The following GSE1 variants were observed in gnomAD, a reference collection of about 807,000 sequenced individuals.
GSE1 encodes genetic suppressor element 1.
Under a neutral mutation model 112.6 loss-of-function variants are expected in GSE1, and 32 were observed. The ratio of observed to expected loss-of-function variants is 0.28; its 90% CI spans 0.21 to 0.38. The LOEUF (loss-of-function observed/expected upper bound fraction) is 0.38, where lower values mean the gene tolerates loss of function less well. Ranked by LOEUF, GSE1 falls within the 10% of genes least tolerant of loss-of-function variation. The pLI, the probability that GSE1 is intolerant of heterozygous loss-of-function variation, is 1.00. For missense variants in GSE1, 2,348 were observed against 1,699.2 expected (o/e 1.38, Z -6.71); for synonymous variants, 1,115 against 735.6 (o/e 1.52, Z -8.35).
At chr16:85,625,436 A>C (rs2049006667) in intron 1 of GSE1, among the ~76,000 whole-genome samples, 1 of 152,044 alleles carries the variant, frequency 6.6e-6, no homozygotes. Context: ...TTCTGTGCAG[A>C]GCCCCCCTGC....
In GSE1 at chr16:85,654,986, C is replaced by T; in HGVS notation, c.792C>T (p.Ala264=). The T allele has an allele frequency of 1.3e-6, 2 of 1,581,934 alleles. No individual in the cohort carries two copies. The highest frequency in any genetic ancestry group is 1.1e-5 in the South Asian group (1 of 88,732). ...CCCCACACCCCTTCCCCCACCCGGC[C>T]TTCAGGTGAGGCATCCCCCACGCGC... ...YLAPHPFPHP[A]FRMDDSYCLS... Residue 264 remains alanine, a synonymous_variant, in exon 5 of 16, where the codon GCC becomes GCT. Coordinates refer to ENST00000253458, the MANE Select transcript of GSE1 (RefSeq NM_014615.5).
chr16:85,241,863 C>T (rs541289209), intron 1 of GSE1, among the ~76,000 whole-genome samples: 198 of 152,176 alleles, frequency 1.3e-3, no homozygotes, highest in African/African-American at 4.6e-3. Flanking sequence ...ACACAATAGA[C>T]CCCCTCCCCG....
intron 1 of GSE1, among the ~76,000 whole-genome samples, chr16:85,181,744 C>A (rs779538835): frequency 6.6e-6 from 1 of 151,984 alleles, no homozygotes; most frequent in Non-Finnish European, 1.5e-5. Flanking sequence ...CTTCCAGACA[C>A]GACAGGACTG....
Position 85,178,196 on chromosome 16 carries a change from A to C in GSE1, c.2283+6389A>C, listed in dbSNP as rs570627513. Among the ~76,000 whole-genome samples the C allele has an allele frequency of 2.6e-5, 4 of 152,196 alleles. No individual in the cohort carries two copies. The East Asian group carries it at 7.7e-4, about 29-fold the overall frequency. The stretch of plus-strand genomic sequence containing the variant: ...GGCAGGGTGAGAAACAGGCGTGCAC[A>C]GGGAAGACTTCCTGGAGGAGGTGAC... On this transcript the variant is annotated intron_variant, in intron 1 of 2. Coordinates refer to the GSE1 transcript ENST00000637419.
intron 2 of GSE1, among the ~76,000 whole-genome samples, chr16:85,470,333 G>A (rs1413904237): frequency 6.6e-6 from 1 of 152,204 alleles, no homozygotes; most frequent in Non-Finnish European, 1.5e-5. Flanking sequence ...TGATCCAGCC[G>A]CAGCCAGACT....
chr16:85,548,999 G>C (rs2044806578), intron 2 of GSE1, among the ~76,000 whole-genome samples: 1 of 152,142 alleles, frequency 6.6e-6, no homozygotes, highest in South Asian at 2.1e-4. Context: ...CATTTGGCCA[G>C]GATGGTCTTG....
chr16:85,364,104 G>A lies in GSE1; in HGVS notation c.2464+6461G>A, dbSNP rs573211823. ...CTCACTGTGCAAAAATCCCGATGTG[G>A]GCAGGGCCTGTTCCTTCTGGGGGCT... On this transcript the variant is annotated intron_variant, in intron 2 of 2. Coordinates refer to the GSE1 transcript ENST00000637419. 1.8e-3 allele frequency among the ~76,000 whole-genome samples: 280 copies of A among 152,324 alleles called. 2 individuals carry two copies. The highest frequency in any genetic ancestry group is 3.1e-3 in the Non-Finnish European group (210 of 68,030).
chr16:85,499,214 A>G (rs1442862010), intron 2 of GSE1, among the ~76,000 whole-genome samples: 1 of 148,348 alleles, frequency 6.7e-6, no homozygotes, highest in Admixed American at 6.7e-5. Context: ...AGCTCATAGG[A>G]TCTGCGGCAT....
At chr16:85,465,514 T>C (rs550818464) in intron 2 of GSE1, among the ~76,000 whole-genome samples, 87 of 152,366 alleles carry the variant, frequency 5.7e-4, no homozygotes, top group Middle Eastern at 3.4e-3. Flanking sequence ...ATCAGTCCAG[T>C]TAATGACTGC....
chr16:85,586,612 G>A (rs191655995), intron 1 of GSE1, among the ~76,000 whole-genome samples: 9 of 152,300 alleles, frequency 5.9e-5, no homozygotes, highest in Admixed American at 1.3e-4. Context: ...CTCCTACAAC[G>A]TGCTCACGGG....
chr16:85,520,835 G>A (rs1193615842), intron 2 of GSE1, among the ~76,000 whole-genome samples: 3 of 152,122 alleles, frequency 2.0e-5, no homozygotes, highest in African/African-American at 7.2e-5. Flanking sequence ...ATCACAATGG[G>A]GACCAGCCTG....
At chr16:85,448,826 C>T (rs941213724) in intron 2 of GSE1, among the ~76,000 whole-genome samples, 5 of 152,208 alleles carry the variant, frequency 3.3e-5, no homozygotes, top group Admixed American at 1.3e-4. Flanking sequence ...GAGCCCTTCC[C>T]GAGCCGAGCC....
At chr16:85,365,915 C>G (rs774587565) in intron 2 of GSE1, among the ~76,000 whole-genome samples, 5 of 152,240 alleles carry the variant, frequency 3.3e-5, no homozygotes, top group Non-Finnish European at 7.3e-5. Context: ...CTCAGTTTCC[C>G]CATGTGTCAA....
intron 2 of GSE1, among the ~76,000 whole-genome samples, chr16:85,500,602 G>C (rs2051327542): frequency 6.6e-6 from 1 of 152,246 alleles, no homozygotes; most frequent in South Asian, 2.1e-4. Flanking sequence ...GGGCACCCGA[G>C]TGGGGTGTGC....
chr16:85,317,548 C>T (rs1408709052), intron 1 of GSE1, among the ~76,000 whole-genome samples: 1 of 152,134 alleles, frequency 6.6e-6, no homozygotes, highest in African/African-American at 2.4e-5. Context: ...CCCTGCTGCC[C>T]ACAGTGAGTG....
intron 2 of GSE1, among the ~76,000 whole-genome samples, chr16:85,469,005 A>T (rs920790409): frequency 6.6e-6 from 1 of 152,196 alleles, no homozygotes; most frequent in Non-Finnish European, 1.5e-5. Context: ...CTGTAATCCC[A>T]GCACTTTGGG....
At position 85,578,293 on chromosome 16, in the gene GSE1, A is replaced by C. The variant is rs182781032; in HGVS notation, c.37+21930A>C. On this transcript the variant is annotated intron_variant, in intron 1 of 2. Coordinates refer to the GSE1 transcript ENST00000635906. ...AAATTACCCCTTCATCAGCGTTTTC[A>C]CCTGAATGCCATGGATAACGGTGGC... Among the ~76,000 whole-genome samples, 368 of 152,216 alleles carry C rather than the reference A, an allele frequency of 2.4e-3. 1 individual carries two copies. Among genetic ancestry groups the C allele is most frequent in the African/African-American group, 8.4e-3 (348 of 41,538 alleles).
rs555049488 is a variant in GSE1, at chr16:85,572,511, CCA to C, written c.37+16158_37+16159del. On this transcript the variant is annotated intron_variant, in intron 1 of 2. Transcript: ENST00000635906. ...TGCACACAACCACATACCACACACACCACACACACACCGCACACACATACACG... is the reference window on the plus strand; with the variant it reads ...TGCACACAACCACATACCACACACACCACACACACCGCACACACATACACG... Among the ~76,000 whole-genome samples the C allele has an allele frequency of 7.0e-4, 107 of 151,816 alleles. 1 individual carries two copies. In the East Asian group the frequency reaches 0.014, roughly 20 times the overall value.
chr16:85,323,107 G>A (rs1468774903), intron 1 of GSE1, among the ~76,000 whole-genome samples: 3 of 152,190 alleles, frequency 2.0e-5, no homozygotes, highest in Non-Finnish European at 4.4e-5. Context: ...GTTTCTGACC[G>A]TTTGTGGTTC....
Sources: allele counts gnomAD v4.1 joint callset (sites outside exome capture counted in the v4.1 genomes callset), GRCh38; gene constraint gnomAD v4.1.1; transcripts MANE v1.5; gene names NCBI Gene and HGNC (gene_info 2026-07-23, HGNC 2026-07-21).